ATP4B: variants seen among roughly 807,000 people sequenced by gnomAD.
ATP4B encodes the protein ATPase H+/K+ transporting subunit beta, also known as potassium-transporting ATPase subunit beta.
In ATP4B, 27 loss-of-function variants were observed where a neutral mutation model predicts 35.3. The ratio of observed to expected loss-of-function variants is 0.76; its 90% CI spans 0.56 to 1.05. The LOEUF is 1.05. ATP4B is among the 50% of genes least tolerant of loss of function. ATP4B has a pLI of 0.00. For missense variants in ATP4B, 375 were observed against 384.8 expected, an observed-to-expected ratio of 0.97 and a Z score of 0.21; for synonymous variants, 162 against 156.0, an observed-to-expected ratio of 1.04 and a Z score of -0.29.
Position 113,653,000 on chromosome 13 carries a change from C to T in ATP4B, c.428G>A (p.Arg143His), listed in dbSNP as rs754901792. 149 of 1,614,122 alleles carry T rather than the reference C, an allele frequency of 9.2e-5. No individual in the cohort carries two copies. The highest frequency in any genetic ancestry group is 3.8e-4 in the East Asian group (17 of 44,874). ...SEQYFFQESFRAPNHTKFSCK... is the reference protein window; with the variant it reads ...SEQYFFQESFHAPNHTKFSCK... ...GGAGAACTTGGTGTGGTTGGGAGCG[C>T]GGAAACTCTCCTGGAAGAAGTACTG... Residue 143 changes from arginine to histidine, a missense_variant, in exon 4 of 7, where the codon CGC (arginine) becomes CAC (histidine). By Grantham distance (29) the Arg-to-His change is conservative. Transcript: ENST00000335288.
Position 113,649,627 on chromosome 13 carries a change from G to C in ATP4B, c.715-92C>G, listed in dbSNP as rs2049696672. On this transcript the variant is annotated intron_variant, in intron 6 of 6. Coordinates refer to ENST00000335288, the MANE Select transcript of ATP4B (RefSeq NM_000705.4). The surrounding 1 kb of genome is among the most constrained non-coding windows in gnomAD (Gnocchi z 4.7). Reference sequence around the variant, plus strand: ...CAAGGAAGTGTCAACAGTCAGGTTGGTGCAGAGAAGCAGCTCTTTTGTGTA... The same window carrying C: ...CAAGGAAGTGTCAACAGTCAGGTTGCTGCAGAGAAGCAGCTCTTTTGTGTA... The C allele has an allele frequency of 1.6e-5, 22 of 1,380,428 alleles. No homozygotes were observed. The highest frequency in any genetic ancestry group is 1.6e-5 in the Non-Finnish European group (17 of 1,046,086). 85.5% of individuals were successfully genotyped at this position (1,380,428 alleles called of 1,614,324 possible).
In ATP4B at chr13:113,650,983, C is replaced by G. The variant is rs1566687855; in HGVS notation, c.613-476G>C. Among the ~76,000 whole-genome samples the G allele has an allele frequency of 6.6e-6, 1 of 151,884 alleles. No individual in the cohort carries two copies. The highest frequency in any genetic ancestry group is 1.5e-5 in the Non-Finnish European group (1 of 67,978). ...CGAACAGCTGAAGGGTGCTTTGGATCTGTTAGAATCTCAGGAGCCGCAGTG... is the reference window on the plus strand; with the variant it reads ...CGAACAGCTGAAGGGTGCTTTGGATGTGTTAGAATCTCAGGAGCCGCAGTG... On this transcript the variant is annotated intron_variant, in intron 5 of 6. Transcript: ENST00000335288. This position sits in a 1 kb window ranked among gnomAD's most constrained non-coding sequence, Gnocchi z 5.0.
chr13:113,655,175 T>A, intron 1 of ATP4B, among the ~76,000 whole-genome samples: 1 of 152,208 alleles, frequency 6.6e-6, no homozygotes, highest in East Asian at 1.9e-4. Flanking sequence ...GACGTCCACA[T>A]AGGCAGAATC....
rs202111590 is a variant in ATP4B, at chr13:113,658,118, C to T, written c.27G>A (p.Thr9=). The T allele has an allele frequency of 4.6e-5, 74 of 1,613,014 alleles. No individual in the cohort carries two copies. In the East Asian group the frequency reaches 7.4e-4, roughly 16 times the overall value. MAALQEKK[T]CGQRMEEFQR... ...GGAACTCCTCCATGCGCTGGCCACA[C>T]GTCTTCTTCTCCTGCAGAGCCGCCA... The change falls in exon 1 of 7, where the codon ACG becomes ACA. Residue 9 remains threonine, a synonymous_variant. Coordinates refer to ENST00000335288, the MANE Select transcript of ATP4B (RefSeq NM_000705.4).
intron 2 of ATP4B, among the ~76,000 whole-genome samples, chr13:113,653,837 G>A (rs2049733144): frequency 6.6e-6 from 1 of 152,258 alleles, no homozygotes; most frequent in East Asian, 1.9e-4. Context: ...CATGTTAACT[G>A]TAAAACTGAA....
In ATP4B at chr13:113,656,369, G is replaced by A. The variant is rs532182483; in HGVS notation, c.113-1427C>T. On this transcript the variant is annotated intron_variant, in intron 1 of 6. Coordinates refer to ENST00000335288, the MANE Select transcript of ATP4B (RefSeq NM_000705.4). ...TGCACAGTGGAGATGTGGGCGGTGCGTGTCTCCCCAGTGGCTGCTGACCCA... is the reference window on the plus strand; with the variant it reads ...TGCACAGTGGAGATGTGGGCGGTGCATGTCTCCCCAGTGGCTGCTGACCCA... Among the ~76,000 whole-genome samples the A allele has an allele frequency of 1.8e-4, 28 of 152,284 alleles. No individual in the cohort carries two copies. The South Asian group carries it at 2.1e-3, about 11-fold the overall frequency.
rs201254921 is a variant in ATP4B, at chr13:113,650,463, G to A, written c.657C>T (p.Tyr219=). 9 of 1,614,002 alleles carry A rather than the reference G, an allele frequency of 5.6e-6. No homozygotes were observed. Among genetic ancestry groups the A allele is most frequent in the South Asian group, 1.1e-5 (1 of 91,086 alleles). The change falls in exon 6 of 7, where the codon TAC becomes TAT. Residue 219 remains tyrosine, a synonymous_variant. Transcript: ENST00000335288. The surrounding 1 kb of genome is among the most constrained non-coding windows in gnomAD (Gnocchi z 5.0). ...ELGQPLQVKY[Y]PPNGTFSLHY... The stretch of plus-strand genomic sequence containing the variant: ...GCAGACTGAAGGTGCCGTTGGGAGG[G>A]TAGTACTTGACCTGCAGCGGCTGGC...
At chr13:113,656,348 C>G (rs2049754447) in intron 1 of ATP4B, among the ~76,000 whole-genome samples, 1 of 152,150 alleles carries the variant, frequency 6.6e-6, no homozygotes, top group Non-Finnish European at 1.5e-5. Flanking sequence ...CCGTGGTGCA[C>G]AGTGGAGATG....
intron 1 of ATP4B, among the ~76,000 whole-genome samples, chr13:113,657,112 G>A (rs558505187): frequency 6.6e-6 from 1 of 152,314 alleles, no homozygotes; most frequent in South Asian, 2.1e-4. Context: ...GAGTGTGGGG[G>A]ATTTGGCAGC....
At chr13:113,652,273 G>C (rs2049718455) in intron 4 of ATP4B, among the ~76,000 whole-genome samples, 1 of 152,246 alleles carries the variant, frequency 6.6e-6, no homozygotes, top group African/African-American at 2.4e-5. Flanking sequence ...CATGCCGGCA[G>C]TGCTGAGACC....
At position 113,649,456 on chromosome 13, in the gene ATP4B, A is replaced by T. The variant is rs751119119; in HGVS notation, c.794T>A (p.Val265Asp). ...RNAEVAIVCKVMAEHVTFNNP... is the reference protein window; with the variant it reads ...RNAEVAIVCKDMAEHVTFNNP... ...GTTGAAGGTCACGTGCTCCGCCATGACCTTGCACACGATGGCGACCTCAGC... is the reference window on the plus strand; with the variant it reads ...GTTGAAGGTCACGTGCTCCGCCATGTCCTTGCACACGATGGCGACCTCAGC... The change falls in exon 7 of 7, where the codon GTC (valine) becomes GAC (aspartate). Residue 265 changes from valine (V) to aspartate (D), a missense_variant. Val to Asp is a radical substitution (Grantham distance 152). Transcript: ENST00000335288. The surrounding 1 kb of genome is among the most constrained non-coding windows in gnomAD (Gnocchi z 4.7). 6.4e-7 allele frequency: 1 copy of T among 1,568,800 alleles called. No homozygotes were observed. The highest frequency in any genetic ancestry group is 1.2e-5 in the South Asian group (1 of 85,784).
In ATP4B at chr13:113,649,059, T is replaced by A. The variant is rs2049691661; in HGVS notation, c.*315A>T. ...AATAAATTATAGTAAGAAAGTGATG[T>A]CTACATAGAAGACGAATCGTTTTTA... On this transcript the variant is annotated 3_prime_UTR_variant, in exon 7 of 7. Coordinates refer to ENST00000335288, the MANE Select transcript of ATP4B (RefSeq NM_000705.4). This position sits in a 1 kb window ranked among gnomAD's most constrained non-coding sequence, Gnocchi z 4.7. 2.5e-5 allele frequency: 5 copies of A among 199,342 alleles called. No homozygotes were observed. In the South Asian group the frequency reaches 4.0e-4, roughly 16 times the overall value. The allele number at this position is 199,342 out of a possible 1,614,324, so 12.3% of individuals were successfully genotyped here. A position where few individuals can be genotyped will look rare whatever the true frequency, so the allele number is the denominator to read the frequency against.
chr13:113,657,626 C>T (rs1027482190), intron 1 of ATP4B, among the ~76,000 whole-genome samples: 5 of 152,250 alleles, frequency 3.3e-5, no homozygotes, highest in Non-Finnish European at 5.9e-5. Context: ...GGCTGGCAGC[C>T]GCGTCTCGGC....
rs765152909 is a variant in ATP4B at position 113,658,113 on chromosome 13, C to T, written c.32G>A (p.Gly11Asp). Residue 11 changes from glycine (G) to aspartate (D), a missense_variant, in exon 1 of 7, where the codon GGC (glycine) becomes GAC (aspartate). Transcript: ENST00000335288. ...ACGCTGGAACTCCTCCATGCGCTGG[C>T]CACACGTCTTCTTCTCCTGCAGAGC... is the stretch of plus-strand genomic sequence containing the variant. Reference protein sequence around the residue: MAALQEKKTCGQRMEEFQRYC... With the variant: MAALQEKKTCDQRMEEFQRYC... 6.2e-7 allele frequency: 1 copy of T among 1,612,962 alleles called. No homozygotes were observed. The highest frequency in any genetic ancestry group is 8.5e-7 in the Non-Finnish European group (1 of 1,179,812).
Position 113,648,901 on chromosome 13 carries a change from T to A in ATP4B, c.*473A>T, listed in dbSNP as rs1374500109. 1 of 152,624 alleles carries A rather than the reference T, an allele frequency of 6.6e-6. No homozygotes were observed. Among genetic ancestry groups the A allele is most frequent in the Non-Finnish European group, 1.5e-5 (1 of 68,310 alleles). 9.5% of individuals were successfully genotyped at this position (152,624 alleles called of 1,614,324 possible). On this transcript the variant is annotated 3_prime_UTR_variant, in exon 7 of 7. Coordinates refer to ENST00000335288, the MANE Select transcript of ATP4B (RefSeq NM_000705.4). Reference sequence around the variant, plus strand: ...ATAAGAGTAACTTTAATATATTTTATGTTTACAACTTAGGAATTGCAATTT... The same window carrying A: ...ATAAGAGTAACTTTAATATATTTTAAGTTTACAACTTAGGAATTGCAATTT...
chr13:113,651,654 C>T lies in ATP4B; in HGVS notation c.612+17G>A, dbSNP rs376524272. On this transcript the variant is annotated intron_variant, in intron 5 of 6. Transcript: ENST00000335288. ...CCTTTCCTGGGGCAGCCCTGCCCGC[C>T]GCGCGGCCGTACTCACCAGGAAGGC... The T allele has an allele frequency of 4.0e-4, 642 of 1,596,574 alleles. 2 individuals carry two copies. Among genetic ancestry groups the T allele is most frequent in the Admixed American group, 1.1e-3 (63 of 57,736 alleles).
chr13:113,653,553 G>A (rs2049730515), intron 2 of ATP4B, 119 bp from the exon 3 acceptor site: 1 of 766,252 alleles, frequency 1.3e-6, no homozygotes, highest in Non-Finnish European at 2.2e-6. Flanking sequence ...CCTCCTCGGA[G>A]TAAACTGTCT....
At chr13:113,655,759 G>C (rs1257967862) in intron 1 of ATP4B, among the ~76,000 whole-genome samples, 1 of 152,234 alleles carries the variant, frequency 6.6e-6, no homozygotes, top group Non-Finnish European at 1.5e-5. Context: ...TGGGCCTCCT[G>C]CTCCTCCTCT....
chr13:113,657,095 CT>C (rs1208680607), intron 1 of ATP4B, among the ~76,000 whole-genome samples: 1 of 152,198 alleles, frequency 6.6e-6, no homozygotes, highest in African/African-American at 2.4e-5. Flanking sequence ...TTCACCAGCA[CT>C]GTGGTGAGTG....
Sources: allele counts gnomAD v4.1 joint callset (sites outside exome capture counted in the v4.1 genomes callset), GRCh38; gene constraint gnomAD v4.1.1; non-coding constraint Gnocchi (gnomAD v3.1); transcripts MANE v1.5; gene names NCBI Gene and HGNC (gene_info 2026-07-23, HGNC 2026-07-21).